Variants in TENM2 observed in about 807,000 individuals in gnomAD.
TENM2 encodes the protein teneurin transmembrane protein 2.
Under a neutral mutation model 245.2 loss-of-function variants are expected in TENM2, and 52 were observed. That is an observed-to-expected ratio of 0.21 (90% CI 0.17 to 0.27). The LOEUF (loss-of-function observed/expected upper bound fraction) is 0.27, where lower values mean the gene tolerates loss of function less well. Ranked by LOEUF, TENM2 falls within the 10% of genes least tolerant of loss-of-function variation. TENM2 has a pLI of 1.00. For missense variants in TENM2, 3,046 were observed against 3,666.8 expected, an observed-to-expected ratio of 0.83 and a Z score of 4.37; for synonymous variants, 1,363 against 1,438.9, an observed-to-expected ratio of 0.95 and a Z score of 1.19.
At chr5:167,957,993 C>A (rs1375902607) in intron 4 of TENM2, among the ~76,000 whole-genome samples, 1 of 152,180 alleles carries the variant, frequency 6.6e-6, no homozygotes, top group African/African-American at 2.4e-5. Context: ...ATTAGGTCCA[C>A]TTGGTCCAGA....
chr5:167,869,265 T>C (rs1192957640), intron 2 of TENM2, among the ~76,000 whole-genome samples: 1 of 152,238 alleles, frequency 6.6e-6, no homozygotes, highest in Non-Finnish European at 1.5e-5. Flanking sequence ...CCCAGGGTTT[T>C]ATTTGGAGCA....
intron 5 of TENM2, among the ~76,000 whole-genome samples, chr5:168,018,967 G>A (rs1334612287): frequency 6.6e-6 from 1 of 152,170 alleles, no homozygotes; most frequent in East Asian, 1.9e-4. Flanking sequence ...AGCACGGGGA[G>A]AAGAAAAGGA....
At chr5:167,120,903 G>T in the TENM2 span, among the ~76,000 whole-genome samples, 1 of 152,296 alleles carries the variant, frequency 6.6e-6, no homozygotes, top group Non-Finnish European at 1.5e-5. Context: ...CATGGATGCA[G>T]CAGGGCAGAG....
chr5:167,396,093 C>A (rs1280591096), intron 2 of TENM2, among the ~76,000 whole-genome samples: 1 of 152,108 alleles, frequency 6.6e-6, no homozygotes, highest in Non-Finnish European at 1.5e-5. Flanking sequence ...TATGATCTAG[C>A]ATTTTCACTT....
intron 2 of TENM2, among the ~76,000 whole-genome samples, chr5:167,566,578 G>A (rs767078701): frequency 7.2e-5 from 11 of 152,162 alleles, no homozygotes; most frequent in South Asian, 2.1e-4. Flanking sequence ...ACTGGTTCCT[G>A]TAAAAATAAA....
chr5:167,044,065 G>GA, the TENM2 span, among the ~76,000 whole-genome samples: 3 of 151,762 alleles, frequency 2.0e-5, no homozygotes, highest in African/African-American at 7.3e-5. Flanking sequence ...AGGAAGGAAG[G>GA]AAGGAAGGAA....
At chr5:168,123,893 G>A (rs934984390) in intron 10 of TENM2, among the ~76,000 whole-genome samples, 3 of 152,140 alleles carry the variant, frequency 2.0e-5, no homozygotes, top group African/African-American at 4.8e-5. Flanking sequence ...CCTCTAAAAG[G>A]CCCTATTTAT....
chr5:167,785,516 C>T (rs1764515574), intron 2 of TENM2, among the ~76,000 whole-genome samples: 1 of 152,152 alleles, frequency 6.6e-6, no homozygotes, highest in African/African-American at 2.4e-5. Flanking sequence ...ATGGATTGAT[C>T]GCTGAGAAAC....
the TENM2 span, among the ~76,000 whole-genome samples, chr5:167,196,715 A>G: frequency 6.6e-6 from 1 of 151,962 alleles, no homozygotes; most frequent in South Asian, 2.1e-4. Flanking sequence ...ATGAAAATAA[A>G]AATAACACAA....
chr5:167,980,334 A>G (rs1782741405), intron 4 of TENM2, among the ~76,000 whole-genome samples: 1 of 152,190 alleles, frequency 6.6e-6, no homozygotes, highest in South Asian at 2.1e-4. Flanking sequence ...CTACGATGGG[A>G]AAGGCTGATC....
intron 2 of TENM2, among the ~76,000 whole-genome samples, chr5:167,386,922 T>C (rs1761462093): frequency 6.6e-6 from 1 of 152,160 alleles, no homozygotes; most frequent in South Asian, 2.1e-4. Context: ...CCTTATAGTA[T>C]AGTTTGAAAT....
the TENM2 span, among the ~76,000 whole-genome samples, chr5:167,262,399 TG>T: frequency 3.5e-3 from 421 of 120,134 alleles, 2 homozygotes; most frequent in Non-Finnish European, 6.1e-3. Flanking sequence ...GCTTTTTTTT[TG>T]GGGGGGCGGT....
chr5:167,388,643 C>G (rs1410877371), intron 2 of TENM2, among the ~76,000 whole-genome samples: 3 of 151,964 alleles, frequency 2.0e-5, no homozygotes, highest in Admixed American at 2.0e-4. Flanking sequence ...GCATTTAGGG[C>G]TATGAACTGT....
chr5:167,865,429 G>A (rs916350966), intron 2 of TENM2, among the ~76,000 whole-genome samples: 1 of 151,916 alleles, frequency 6.6e-6, no homozygotes, highest in African/African-American at 2.4e-5. Context: ...GCACACCACC[G>A]AGCCTGGCTA....
chr5:167,325,516 C>T (rs1408791922), intron 1 of TENM2, among the ~76,000 whole-genome samples: 1 of 152,156 alleles, frequency 6.6e-6, no homozygotes, highest in Non-Finnish European at 1.5e-5. Context: ...TCCAGTAACT[C>T]ATTGCTCAGG....
intron 6 of TENM2, 92 bp from the exon 9 acceptor site, chr5:168,061,967 AC>A: frequency 1.7e-6 from 2 of 1,153,396 alleles, no homozygotes; most frequent in Non-Finnish European, 2.4e-6. Context: ...TAAAACAACA[AC>A]AAAAAAAAAC....
intron 2 of TENM2, among the ~76,000 whole-genome samples, chr5:167,502,658 T>C (rs896786631): frequency 1.3e-5 from 2 of 152,296 alleles, no homozygotes; most frequent in African/African-American, 4.8e-5. Context: ...TTCTAAGGTG[T>C]CTAAGAATAT....
In TENM2 at chr5:167,427,667, A is replaced by C. The variant is rs1163602617; in HGVS notation, c.502+52194A>C. ...GGAAGGAAGGGACGGGAGGGAAGGA[A>C]GGGAAGGAAGGAAGGACGGGAAGGA... is the stretch of plus-strand genomic sequence containing the variant. On this transcript the variant is annotated intron_variant, in intron 2 of 28. Transcript: ENST00000518659. 2.7e-4 allele frequency among the ~76,000 whole-genome samples: 22 copies of C among 81,988 alleles called. 3 individuals carry two copies. Among genetic ancestry groups the C allele is most frequent in the African/African-American group, 1.5e-3 (20 of 13,720 alleles). The allele number at this position is 81,988 out of a possible 152,430, so 53.8% of individuals were successfully genotyped here.
chr5:167,254,658 T>C, the TENM2 span, among the ~76,000 whole-genome samples: 1 of 152,086 alleles, frequency 6.6e-6, no homozygotes, highest in Admixed American at 6.6e-5. Flanking sequence ...TAAATGAGAT[T>C]ATTACGGAGA....
Sources: allele counts gnomAD v4.1 joint callset (sites outside exome capture counted in the v4.1 genomes callset), GRCh38; gene constraint gnomAD v4.1.1; transcripts MANE v1.5; gene names NCBI Gene and HGNC (gene_info 2026-07-23, HGNC 2026-07-21).